Variants in OLFM2 observed in about 807,000 individuals in gnomAD.
OLFM2 encodes the protein noelin-2.
Under a neutral mutation model 43.9 loss-of-function variants are expected in OLFM2, and 20 were observed. That is an observed-to-expected ratio of 0.46 (90% confidence interval 0.32 to 0.66). The LOEUF (loss-of-function observed/expected upper bound fraction) is 0.66, where lower values mean the gene tolerates loss of function less well. Ranked by LOEUF, OLFM2 falls within the 30% of genes least tolerant of loss-of-function variation. OLFM2 has a pLI of 0.04. For synonymous variants in OLFM2, 268 were observed against 278.6 expected, an observed-to-expected ratio of 0.96 and a Z score of 0.38; for missense variants, 416 against 643.6, an observed-to-expected ratio of 0.65 and a Z score of 3.83.
intron 1 of OLFM2, among the ~76,000 whole-genome samples, chr19:9,867,496 G>C (rs1375780047): frequency 3.3e-5 from 5 of 152,216 alleles, no homozygotes; most frequent in African/African-American, 1.2e-4. Flanking sequence ...AACAGGAAGA[G>C]AGCAAGCGCC....
At chr19:9,870,019 A>G (rs964379816) in intron 1 of OLFM2, among the ~76,000 whole-genome samples, 6 of 152,120 alleles carry the variant, frequency 3.9e-5, no homozygotes, top group African/African-American at 1.2e-4. Context: ...CAGCCTCCCA[A>G]AGTGCTAGGA....
intron 1 of OLFM2, among the ~76,000 whole-genome samples, chr19:9,889,463 T>G (rs2046619270): frequency 6.6e-6 from 1 of 152,060 alleles, no homozygotes; most frequent in Non-Finnish European, 1.5e-5. Context: ...TTGCCCAGGC[T>G]GGTCTCAAAC....
chr19:9,854,241 T>C lies in OLFM2; in HGVS notation c.1310A>G (p.Gln437Arg). ...AAACAGGGTGACATTGTAGAGCACC[T>C]GGTGGCCGTTGTTCCAGGTATAGAG... ...RALYTWNNGHQVLYNVTLFHV... is the reference protein window; with the variant it reads ...RALYTWNNGHRVLYNVTLFHV... Residue 437 changes from glutamine to arginine, a missense_variant, in exon 6 of 6, where the codon CAG (glutamine) becomes CGG (arginine). Coordinates refer to ENST00000264833, the MANE Select transcript of OLFM2 (RefSeq NM_058164.4). This position sits in a 1 kb window ranked among gnomAD's most constrained non-coding sequence, Gnocchi z 9.5. 1 of 1,614,118 alleles carries C rather than the reference T, an allele frequency of 6.2e-7. No homozygotes were observed. Among genetic ancestry groups the C allele is most frequent in the Non-Finnish European group, 8.5e-7 (1 of 1,180,018 alleles).
chr19:9,912,571 G>A (rs2046835939), intron 1 of OLFM2, among the ~76,000 whole-genome samples: 1 of 152,006 alleles, frequency 6.6e-6, no homozygotes, highest in African/African-American at 2.4e-5. Context: ...GAGGCCCAGG[G>A]AAGTTTGCAG....
intron 1 of OLFM2, among the ~76,000 whole-genome samples, chr19:9,892,210 G>C (rs1375970151): frequency 6.6e-6 from 1 of 152,142 alleles, no homozygotes; most frequent in Non-Finnish European, 1.5e-5. Flanking sequence ...GTGACTGTGT[G>C]TGTGCATGTG....
intron 1 of OLFM2, among the ~76,000 whole-genome samples, chr19:9,880,873 G>A (rs1428231943): frequency 6.6e-6 from 1 of 152,038 alleles, no homozygotes; most frequent in Non-Finnish European, 1.5e-5. Context: ...TGTGGCCTGG[G>A]GGTAGCAATA....
At chr19:9,914,919 A>G (rs1001346095) in intron 1 of OLFM2, among the ~76,000 whole-genome samples, 1 of 151,824 alleles carries the variant, frequency 6.6e-6, no homozygotes, top group Non-Finnish European at 1.5e-5. Context: ...AGGCCTTTCC[A>G]GGCGGCGGCC....
At chr19:9,860,219 T>C (rs1400226474) in intron 2 of OLFM2, among the ~76,000 whole-genome samples, 1 of 151,914 alleles carries the variant, frequency 6.6e-6, no homozygotes, top group Non-Finnish European at 1.5e-5. Flanking sequence ...GGCTCACACC[T>C]GTAATCCCAA....
intron 1 of OLFM2, among the ~76,000 whole-genome samples, chr19:9,883,634 A>G (rs1412612481): frequency 6.6e-6 from 1 of 152,040 alleles, no homozygotes; most frequent in South Asian, 2.1e-4. Context: ...AGGGCCTTCA[A>G]TCAGCCTGCA....
chr19:9,908,464 A>ATTTTTTTTTTTTTTTTTTTT (rs34305631), intron 1 of OLFM2, among the ~76,000 whole-genome samples: 1 of 40,344 alleles, frequency 2.5e-5, no homozygotes, highest in African/African-American at 1.2e-4. Context: ...CACCTGGCTA[A>ATTTTTTTTTTTTTTTTTTTT]TTTTTTTTTT....
chr19:9,853,787 T>G lies in OLFM2; in HGVS notation c.*399A>C. 5.2e-6 allele frequency: 1 copy of G among 191,418 alleles called. No individual in the cohort carries two copies. The highest frequency in any genetic ancestry group is 3.1e-5 in the African/African-American group (1 of 32,176). 11.9% of individuals were successfully genotyped at this position (191,418 alleles called of 1,614,324 possible). On this transcript the variant is annotated 3_prime_UTR_variant, in exon 6 of 6. Coordinates refer to ENST00000264833, the MANE Select transcript of OLFM2 (RefSeq NM_058164.4). ...AAGTGTAAATAAAAAAAGAAACAGA[T>G]CCATGCACTCAACTCCTGGGGGTGG...
At chr19:9,875,514 C>CTT (rs35244050) in intron 1 of OLFM2, among the ~76,000 whole-genome samples, 105,180 of 142,864 alleles carry the variant, frequency 0.74, 40,665 homozygotes, top group Non-Finnish European at 0.85. Flanking sequence ...GAATTAGCAG[C>CTT]TTTTTTTTTT....
chr19:9,918,988 C>T (rs1411868625), intron 1 of OLFM2, among the ~76,000 whole-genome samples: 5 of 152,062 alleles, frequency 3.3e-5, no homozygotes, highest in Non-Finnish European at 2.9e-5. Context: ...CTCAATTGCA[C>T]GCTTACACAG....
At chr19:9,889,167 T>C (rs1228162019) in intron 1 of OLFM2, among the ~76,000 whole-genome samples, 1 of 149,886 alleles carries the variant, frequency 6.7e-6, no homozygotes, top group Non-Finnish European at 1.5e-5. Flanking sequence ...GGGGAGGGGG[T>C]GTGCTTGGGT....
In OLFM2 at chr19:9,916,555, G is replaced by C. The variant is rs115088231; in HGVS notation, c.63+19749C>G. 1.1e-3 allele frequency among the ~76,000 whole-genome samples: 163 copies of C among 152,254 alleles called. 3 individuals carry two copies. Among genetic ancestry groups the C allele is most frequent in the Non-Finnish European group, 4.7e-4 (32 of 68,026 alleles). ...AGGGGAACCCAGCAGGGAAGTGGGG[G>C]CCCAGGTTTTGAAACCAGGACTGTC... On this transcript the variant is annotated intron_variant, in intron 1 of 5. Transcript: ENST00000264833.
At chr19:9,933,185 T>C (rs914311020) in intron 1 of OLFM2, among the ~76,000 whole-genome samples, 1 of 152,130 alleles carries the variant, frequency 6.6e-6, no homozygotes, top group Non-Finnish European at 1.5e-5. Context: ...ACTACTTCCT[T>C]AGAGACACCT....
rs2046293346 is a variant in OLFM2 at position 9,854,103 on chromosome 19, AC to A, written c.*82del. 8.0e-7 allele frequency: 1 copy of A among 1,252,002 alleles called. No homozygotes were observed. 77.6% of individuals were successfully genotyped at this position (1,252,002 alleles called of 1,614,324 possible). A position where few individuals can be genotyped will look rare whatever the true frequency, so the allele number is the denominator to read the frequency against. On this transcript the variant is annotated 3_prime_UTR_variant, in exon 6 of 6. Coordinates refer to ENST00000264833, the MANE Select transcript of OLFM2 (RefSeq NM_058164.4). The surrounding 1 kb of genome is among the most constrained non-coding windows in gnomAD (Gnocchi z 9.5). ...AGGGCGTGACAGAGACAGAGAGATC[AC>A]CCTTGAGGGACACAGGCAGAATGAA... is the stretch of plus-strand genomic sequence containing the variant.
intron 1 of OLFM2, among the ~76,000 whole-genome samples, chr19:9,885,871 G>A (rs1447590819): frequency 6.6e-6 from 1 of 152,114 alleles, no homozygotes; most frequent in African/African-American, 2.4e-5. Flanking sequence ...GCCGAGGCAG[G>A]AGGATCATTG....
chr19:9,875,446 T>A (rs533149264), intron 1 of OLFM2, among the ~76,000 whole-genome samples: 3 of 151,978 alleles, frequency 2.0e-5, no homozygotes, highest in African/African-American at 7.2e-5. Flanking sequence ...CCTCGCCAAT[T>A]TGCTGGGACT....
Sources: allele counts gnomAD v4.1 joint callset (sites outside exome capture counted in the v4.1 genomes callset), GRCh38; gene constraint gnomAD v4.1.1; non-coding constraint Gnocchi (gnomAD v3.1); transcripts MANE v1.5; gene names NCBI Gene and HGNC (gene_info 2026-07-23, HGNC 2026-07-21).